Variants in GRID2 observed in about 807,000 individuals in gnomAD.
GRID2 encodes glutamate ionotropic receptor delta type subunit 2, also known as glutamate receptor ionotropic, delta-2.
Under a neutral mutation model 114.8 loss-of-function variants are expected in GRID2, and 33 were observed. The ratio of observed to expected loss-of-function variants is 0.29; its 90% confidence interval spans 0.22 to 0.38. The LOEUF (loss-of-function observed/expected upper bound fraction) is 0.38, where lower values mean the gene tolerates loss of function less well. GRID2 is among the 10% of genes least tolerant of loss of function. The pLI is 1.00. For missense variants in GRID2, 1,184 were observed against 1,257.7 expected, an observed-to-expected ratio of 0.94 and a Z score of 0.89; for synonymous variants, 505 against 449.9, an observed-to-expected ratio of 1.12 and a Z score of -1.55.
At chr4:92,486,576 CACACACACACACACAA>C (rs1276342652) in intron 1 of GRID2, among the ~76,000 whole-genome samples, 15 of 151,128 alleles carry the variant, frequency 9.9e-5, no homozygotes, top group Non-Finnish European at 1.8e-4. Context: ...CACACACACA[CACACACACACACACAA>C]ACACAGATAA....
chr4:92,843,168 G>T (rs1210582094), intron 2 of GRID2, among the ~76,000 whole-genome samples: 1 of 152,048 alleles, frequency 6.6e-6, no homozygotes, highest in Non-Finnish European at 1.5e-5. Context: ...CTTGAACCAG[G>T]GAGGTAGAGG....
intron 10 of GRID2, among the ~76,000 whole-genome samples, chr4:93,443,217 C>T (rs1410789629): frequency 2.6e-5 from 4 of 151,934 alleles, no homozygotes; most frequent in Admixed American, 2.6e-4. Context: ...GTATTACACT[C>T]TCCCTATAAC....
chr4:93,288,739 T>G (rs1029637814), intron 8 of GRID2, among the ~76,000 whole-genome samples: 1 of 152,246 alleles, frequency 6.6e-6, no homozygotes, highest in African/African-American at 2.4e-5. Flanking sequence ...TCTAACATAT[T>G]CTTGTGAAGG....
intron 8 of GRID2, among the ~76,000 whole-genome samples, chr4:93,346,545 T>G (rs577709424): frequency 1.3e-5 from 2 of 152,198 alleles, no homozygotes; most frequent in African/African-American, 4.8e-5. Flanking sequence ...GTGGACTAAG[T>G]GCAAGAGGAG....
intron 2 of GRID2, among the ~76,000 whole-genome samples, chr4:93,000,285 C>A (rs1194511887): frequency 6.6e-6 from 1 of 151,594 alleles, no homozygotes; most frequent in Non-Finnish European, 1.5e-5. Flanking sequence ...AGGGTCTTTA[C>A]ATAATTCTTA....
chr4:92,583,831 TATAA>T (rs1244183757), intron 1 of GRID2, among the ~76,000 whole-genome samples: 4 of 150,208 alleles, frequency 2.7e-5, no homozygotes, highest in Admixed American at 2.0e-4. Flanking sequence ...GCATGTGTAA[TATAA>T]ATATATAAAC....
intron 9 of GRID2, among the ~76,000 whole-genome samples, chr4:93,404,563 G>T (rs1766222313): frequency 6.6e-6 from 1 of 152,000 alleles, no homozygotes; most frequent in Non-Finnish European, 1.5e-5. Flanking sequence ...ACCTCATAAA[G>T]CTGTTATAAA....
At chr4:92,980,482 ATTGAATT>A in intron 2 of GRID2, among the ~76,000 whole-genome samples, 1 of 152,056 alleles carries the variant, frequency 6.6e-6, no homozygotes, top group African/African-American at 2.4e-5. Flanking sequence ...CTTTATTGGA[ATTGAATT>A]ATATTAAAAG....
intron 2 of GRID2, among the ~76,000 whole-genome samples, chr4:92,923,029 T>A (rs1276159144): frequency 3.9e-5 from 6 of 152,224 alleles, no homozygotes; most frequent in Non-Finnish European, 5.9e-5. Flanking sequence ...TTTGTTCTTT[T>A]TTGCATGTGC....
At chr4:93,709,400 T>A (rs1338801556) in intron 14 of GRID2, among the ~76,000 whole-genome samples, 1 of 152,174 alleles carries the variant, frequency 6.6e-6, no homozygotes, top group African/African-American at 2.4e-5. Flanking sequence ...ACTTTAAATA[T>A]GTCATGCCAC....
intron 14 of GRID2, among the ~76,000 whole-genome samples, chr4:93,692,691 C>A (rs1225212809): frequency 1.3e-5 from 2 of 151,910 alleles, no homozygotes; most frequent in Non-Finnish European, 2.9e-5. Flanking sequence ...AGGTTCTATC[C>A]CTCCTTTCCT....
chr4:92,968,832 C>A (rs1404399884), intron 2 of GRID2, among the ~76,000 whole-genome samples: 1 of 151,786 alleles, frequency 6.6e-6, no homozygotes, highest in Non-Finnish European at 1.5e-5. Context: ...TGGCTGTTTT[C>A]ACTTACTATA....
chr4:93,758,497 AT>A (rs1395112089), intron 14 of GRID2, among the ~76,000 whole-genome samples: 2 of 152,190 alleles, frequency 1.3e-5, no homozygotes, highest in Non-Finnish European at 2.9e-5. Context: ...CCTTCCTTAT[AT>A]TTAAATTATT....
At chr4:92,734,886 C>T (rs1308433965) in intron 2 of GRID2, among the ~76,000 whole-genome samples, 1 of 151,006 alleles carries the variant, frequency 6.6e-6, no homozygotes, top group African/African-American at 2.4e-5. Context: ...GTCATGTGAC[C>T]CTCTCAACTC....
intron 2 of GRID2, among the ~76,000 whole-genome samples, chr4:92,778,416 T>A (rs994432239): frequency 6.6e-6 from 1 of 152,064 alleles, no homozygotes; most frequent in Non-Finnish European, 1.5e-5. Flanking sequence ...ATGCTCCTGA[T>A]CTCAATTTTA....
intron 4 of GRID2, among the ~76,000 whole-genome samples, chr4:93,123,096 T>G (rs1229645918): frequency 6.6e-6 from 1 of 152,022 alleles, no homozygotes; most frequent in Non-Finnish European, 1.5e-5. Flanking sequence ...CCAATGAGTC[T>G]AAACTTCCAA....
chr4:93,441,096 CAACTT>C, intron 10 of GRID2, among the ~76,000 whole-genome samples: 1 of 152,158 alleles, frequency 6.6e-6, no homozygotes, highest in Admixed American at 6.6e-5. Flanking sequence ...GAAAATCTGA[CAACTT>C]AAGGATAGAT....
chr4:92,555,790 A>G (rs1726821267), intron 1 of GRID2, among the ~76,000 whole-genome samples: 1 of 151,998 alleles, frequency 6.6e-6, no homozygotes, highest in Non-Finnish European at 1.5e-5. Flanking sequence ...ATGCTCCTCA[A>G]TTCTGTGAGG....
In GRID2 at chr4:93,653,085, C is replaced by T. The variant is rs549526859; in HGVS notation, c.2360+26650C>T. On this transcript the variant is annotated intron_variant, in intron 14 of 15. Transcript: ENST00000282020. ...GTGTTGATTATTAGTTGTCTGAGAGCAAGACTCTTTGAAGCTGGGAGACCA... is the reference window on the plus strand; with the variant it reads ...GTGTTGATTATTAGTTGTCTGAGAGTAAGACTCTTTGAAGCTGGGAGACCA... Among the ~76,000 whole-genome samples, 42 of 152,168 alleles carry T rather than the reference C, an allele frequency of 2.8e-4. No individual in the cohort carries two copies. The South Asian group carries it at 8.1e-3, about 29-fold the overall frequency.
Sources: gnomAD v4.1 joint callset for allele counts (sites outside exome capture counted in the v4.1 genomes callset) on GRCh38, gnomAD v4.1.1 for gene constraint, MANE v1.5 for transcripts, NCBI Gene and HGNC (gene_info 2026-07-23, HGNC 2026-07-21) for gene names.